The following LRMDA variants were observed in gnomAD, a reference collection of about 807,000 sequenced individuals.
LRMDA encodes leucine rich melanocyte differentiation associated.
A neutral mutation model predicts 29.8 loss-of-function variants in LRMDA; 18 were observed. That is an observed-to-expected ratio of 0.60 (90% confidence interval 0.42 to 0.90). The LOEUF is 0.90. LRMDA is among the 40% of genes least tolerant of loss of function. LRMDA has a pLI of 0.00. For missense variants in LRMDA, 273 were observed against 273.9 expected (o/e 1.00, Z 0.02); for synonymous variants, 125 against 109.4 (o/e 1.14, Z -0.89).
chr10:75,679,990 G>T lies in LRMDA; in HGVS notation c.131+241496G>T, dbSNP rs184795005. ...TTTAAACAAGGCATGAGCCAGAAAC[G>T]CAGTCAGTCTGACTAGGTTTAGTTG... On this transcript the variant is annotated intron_variant, in intron 2 of 6. Coordinates refer to ENST00000611255, the MANE Select transcript of LRMDA (RefSeq NM_001305581.2). Among the ~76,000 whole-genome samples, 452 of 152,318 alleles carry T rather than the reference G, an allele frequency of 3.0e-3. 2 individuals are homozygous for T. Among genetic ancestry groups the T allele is most frequent in the Non-Finnish European group, 5.4e-3 (365 of 68,034 alleles).
intron 2 of LRMDA, among the ~76,000 whole-genome samples, chr10:75,803,743 T>C (rs1267290312): frequency 6.6e-6 from 1 of 152,224 alleles, no homozygotes; most frequent in Non-Finnish European, 1.5e-5. Context: ...AAACATAATT[T>C]AGCATTGCTA....
chr10:76,063,829 G>A (rs1848741978), intron 5 of LRMDA, among the ~76,000 whole-genome samples: 1 of 152,006 alleles, frequency 6.6e-6, no homozygotes, highest in South Asian at 2.1e-4. Flanking sequence ...CTGTGTCTGT[G>A]TTTTTAGGTT....
intron 6 of LRMDA, among the ~76,000 whole-genome samples, chr10:76,396,232 G>A (rs1050764209): frequency 3.9e-5 from 6 of 152,204 alleles, no homozygotes; most frequent in Non-Finnish European, 8.8e-5. Flanking sequence ...GTGGGGGACA[G>A]AAGAAAAGAC....
chr10:76,343,096 A>G (rs1165762815), intron 6 of LRMDA, among the ~76,000 whole-genome samples: 1 of 152,212 alleles, frequency 6.6e-6, no homozygotes, highest in Non-Finnish European at 1.5e-5. Flanking sequence ...ATGAGAAGAG[A>G]TGTGCAGATA....
intron 2 of LRMDA, among the ~76,000 whole-genome samples, chr10:75,936,998 A>G (rs1846306710): frequency 6.6e-6 from 1 of 152,192 alleles, no homozygotes; most frequent in South Asian, 2.1e-4. Flanking sequence ...TTAACCCTCA[A>G]TATTATAAAA....
At chr10:75,781,169 T>C (rs1232821144) in intron 2 of LRMDA, among the ~76,000 whole-genome samples, 5 of 152,198 alleles carry the variant, frequency 3.3e-5, no homozygotes, top group African/African-American at 1.2e-4. Flanking sequence ...TTGGCCTTTG[T>C]ATTTAACTTA....
At chr10:76,545,189 T>C (rs1843405369) in intron 6 of LRMDA, among the ~76,000 whole-genome samples, 1 of 151,704 alleles carries the variant, frequency 6.6e-6, no homozygotes, top group African/African-American at 2.4e-5. Flanking sequence ...TTGTTTTTTT[T>C]TTTTTGTAGC....
chr10:75,815,677 G>A (rs139023275), intron 2 of LRMDA, among the ~76,000 whole-genome samples: 13 of 152,254 alleles, frequency 8.5e-5, no homozygotes, highest in African/African-American at 2.6e-4. Flanking sequence ...CTTTCCACCA[G>A]CCAACCCACA....
intron 2 of LRMDA, among the ~76,000 whole-genome samples, chr10:75,939,178 G>A (rs1176731635): frequency 6.6e-6 from 1 of 152,134 alleles, no homozygotes; most frequent in South Asian, 2.1e-4. Flanking sequence ...GTGGTGAGGG[G>A]CCCTGGACCT....
At chr10:75,692,218 AAATATAT>A (rs1208955154) in intron 2 of LRMDA, among the ~76,000 whole-genome samples, 5,049 of 43,920 alleles carry the variant, frequency 0.11, 138 homozygotes, top group South Asian at 0.21. Flanking sequence ...GAAAAAAAAA[AAATATAT>A]ATATATATAT....
chr10:75,631,995 T>C (rs867472944), intron 2 of LRMDA, among the ~76,000 whole-genome samples: 1 of 152,210 alleles, frequency 6.6e-6, no homozygotes. Context: ...ATGTGTTCTG[T>C]CCTTGTATGG....
chr10:75,552,724 A>G (rs962751393), intron 2 of LRMDA, among the ~76,000 whole-genome samples: 4 of 150,482 alleles, frequency 2.7e-5, no homozygotes, highest in Non-Finnish European at 5.9e-5. Context: ...TATACTGTTT[A>G]CTATTATCCT....
intron 2 of LRMDA, among the ~76,000 whole-genome samples, chr10:75,504,780 C>A (rs574027949): frequency 1.3e-5 from 2 of 152,230 alleles, no homozygotes; most frequent in South Asian, 4.1e-4. Flanking sequence ...GGGATTACCA[C>A]GCTGAGCCTT....
rs1840267761 is a variant in LRMDA at position 75,559,817 on chromosome 10, A to T, written c.131+121323A>T. ...CGTTTCCCCATTTCTTGTTTTTGTC[A>T]GGTTTGTCAAAGATCACATGGTTGT... On this transcript the variant is annotated intron_variant, in intron 2 of 6. Transcript: ENST00000611255. Among the ~76,000 whole-genome samples the T allele has an allele frequency of 2.4e-5, 2 of 83,392 alleles. 1 individual carries two copies. The highest frequency in any genetic ancestry group is 2.9e-4 in the Admixed American group (2 of 6,986). 54.7% of individuals were successfully genotyped at this position (83,392 alleles called of 152,430 possible).
intron 6 of LRMDA, among the ~76,000 whole-genome samples, chr10:76,436,905 G>A (rs1842250393): frequency 6.6e-6 from 1 of 152,070 alleles, no homozygotes; most frequent in African/African-American, 2.4e-5. Flanking sequence ...CAGAGCCAGT[G>A]TCGCCCACCT....
At chr10:75,647,734 C>G (rs1841541015) in intron 2 of LRMDA, 1 of 152,138 alleles carries the variant, frequency 6.6e-6, no homozygotes, top group South Asian at 2.1e-4. Context: ...ACTGACTTAT[C>G]TCATGGAACC....
chr10:75,795,900 G>C (rs1843644065), intron 2 of LRMDA, among the ~76,000 whole-genome samples: 1 of 152,092 alleles, frequency 6.6e-6, no homozygotes, highest in South Asian at 2.1e-4. Flanking sequence ...CAGGTGTTTT[G>C]TGTTTTTTTA....
chr10:76,547,048 G>A (rs1001704751), intron 6 of LRMDA, among the ~76,000 whole-genome samples: 1 of 152,084 alleles, frequency 6.6e-6, no homozygotes, highest in African/African-American at 2.4e-5. Context: ...TAGATTTGTG[G>A]GGAGGGGGAG....
intron 2 of LRMDA, among the ~76,000 whole-genome samples, chr10:75,703,115 C>G (rs932204636): frequency 6.6e-6 from 1 of 152,068 alleles, no homozygotes; most frequent in African/African-American, 2.4e-5. Flanking sequence ...TTGGGTTGAC[C>G]TTTAAATAGT....
Sources: gnomAD v4.1 joint callset for allele counts (sites outside exome capture counted in the v4.1 genomes callset) on GRCh38, gnomAD v4.1.1 for gene constraint, MANE v1.5 for transcripts, NCBI Gene and HGNC (gene_info 2026-07-23, HGNC 2026-07-21) for gene names.